Variants in ANKFN1 observed in about 807,000 individuals in gnomAD.
The protein encoded by ANKFN1 is ankyrin repeat and fibronectin type-III domain-containing protein 1.
Under a neutral mutation model 108.7 loss-of-function variants are expected in ANKFN1, and 74 were observed. The ratio of observed to expected loss-of-function variants is 0.68; its 90% CI spans 0.56 to 0.83. The LOEUF is 0.83. ANKFN1 is among the 40% of genes least tolerant of loss of function. The pLI is 0.00. For missense variants in ANKFN1, 1,505 were observed against 1,382.3 expected (o/e 1.09, Z -1.41); for synonymous variants, 547 against 516.2 (o/e 1.06, Z -0.81).
intron 8 of ANKFN1, among the ~76,000 whole-genome samples, chr17:56,377,730 CA>C (rs978603321): frequency 1.3e-5 from 2 of 152,216 alleles, no homozygotes; most frequent in Non-Finnish European, 1.5e-5. Flanking sequence ...AGACAGAAAA[CA>C]TTTGCAAAAG....
chr17:56,500,813 C>G (rs1006603798), intron 20 of ANKFN1, among the ~76,000 whole-genome samples: 1 of 152,202 alleles, frequency 6.6e-6, no homozygotes, highest in South Asian at 2.1e-4. Flanking sequence ...GTGCCAGGCT[C>G]TCTTCGAAGT....
intron 6 of ANKFN1, among the ~76,000 whole-genome samples, chr17:56,363,364 G>A (rs2046576153): frequency 6.6e-6 from 1 of 152,122 alleles, no homozygotes. Flanking sequence ...AGATCACAAT[G>A]AGAAATGAGA....
At chr17:56,235,797 A>G (rs1917089095) in intron 3 of ANKFN1, among the ~76,000 whole-genome samples, 1 of 152,114 alleles carries the variant, frequency 6.6e-6, no homozygotes, top group Non-Finnish European at 1.5e-5. Context: ...TGATGACTCC[A>G]GCTTTGTTCT....
At chr17:56,381,786 T>G (rs1396955520) in intron 8 of ANKFN1, among the ~76,000 whole-genome samples, 7 of 152,002 alleles carry the variant, frequency 4.6e-5, no homozygotes, top group Admixed American at 4.6e-4. Context: ...TGGGACTATG[T>G]GAAAAGACCA....
intron 3 of ANKFN1, among the ~76,000 whole-genome samples, chr17:56,232,610 T>TTGGCTTCA (rs1220254341): frequency 6.6e-6 from 1 of 152,202 alleles, no homozygotes; most frequent in Non-Finnish European, 1.5e-5. Context: ...GATCTGCCTC[T>TTGGCTTCA]TGGCTTCATT....
At chr17:56,229,708 A>G (rs1444058385) in intron 3 of ANKFN1, among the ~76,000 whole-genome samples, 2 of 133,420 alleles carry the variant, frequency 1.5e-5, no homozygotes, top group South Asian at 5.0e-4. Context: ...GGGGGTGGCT[A>G]TTTTACTTTA....
intron 3 of ANKFN1, among the ~76,000 whole-genome samples, chr17:56,296,290 A>T (rs900152947): frequency 6.6e-6 from 1 of 152,176 alleles, no homozygotes; most frequent in Non-Finnish European, 1.5e-5. Context: ...CTACCATTTA[A>T]GATTCTCCAA....
chr17:56,384,966 CTACTT>C lies in ANKFN1; in HGVS notation c.910+10255_910+10259del, dbSNP rs1004040133. Among the ~76,000 whole-genome samples, 7 of 151,154 alleles carry C rather than the reference CTACTT, an allele frequency of 4.6e-5. No individual in the cohort carries two copies. In the Admixed American group the frequency reaches 4.6e-4, roughly 10 times the overall value. On this transcript the variant is annotated intron_variant, in intron 8 of 20. Transcript: ENST00000682825. ...ACTTTCTTCACAGAATTGGAAAAAA[CTACTT>C]TAAAGTTCATGTGGAACCAAAAAAG...
At chr17:56,065,112 G>T (rs1394066494) in intron 4 of ANKFN1, among the ~76,000 whole-genome samples, 1 of 152,108 alleles carries the variant, frequency 6.6e-6, no homozygotes, top group Non-Finnish European at 1.5e-5. Context: ...TGCTTATTAT[G>T]GTTCTTTTCA....
intron 3 of ANKFN1, among the ~76,000 whole-genome samples, chr17:56,278,759 C>A (rs1312592868): frequency 1.3e-5 from 2 of 152,124 alleles, no homozygotes; most frequent in Admixed American, 6.5e-5. Flanking sequence ...GCCTTATGAC[C>A]AAATACAAAT....
In ANKFN1 at chr17:56,510,681, G is replaced by A. The variant is rs754470946; in HGVS notation, c.2853G>A (p.Pro951=). The A allele has an allele frequency of 5.2e-6, 8 of 1,536,004 alleles. No individual in the cohort carries two copies. Among genetic ancestry groups the A allele is most frequent in the Middle Eastern group, 1.7e-4 (1 of 6,010 alleles). ...ACGACGTGAAAACCCCTCTGGGGCC[G>A]GGCCAGGATCCCCAGGGCGAGGGCC... ...QVHDVKTPLG[P]GQDPQGEGPN... is the part of the protein sequence containing the mutation. Residue 951 remains proline, a synonymous_variant, in exon 21 of 21, where the codon CCG becomes CCA. Coordinates refer to ENST00000682825, the MANE Select transcript of ANKFN1 (RefSeq NM_001370326.1).
At chr17:56,130,545 A>G (rs1026361674) in intron 4 of ANKFN1, among the ~76,000 whole-genome samples, 24 of 152,004 alleles carry the variant, frequency 1.6e-4, no homozygotes, top group African/African-American at 5.8e-4. Context: ...CCTTATAAAT[A>G]TTTATACTAG....
intron 4 of ANKFN1, among the ~76,000 whole-genome samples, chr17:56,109,853 TAAG>T (rs1473462116): frequency 6.6e-6 from 1 of 152,172 alleles, no homozygotes; most frequent in Non-Finnish European, 1.5e-5. Context: ...GCCAGGCTAA[TAAG>T]AAGAGTTCAC....
intron 18 of ANKFN1, among the ~76,000 whole-genome samples, chr17:56,487,708 T>C (rs934840068): frequency 6.6e-6 from 1 of 152,182 alleles, no homozygotes; most frequent in African/African-American, 2.4e-5. Context: ...CCTACCGATA[T>C]TCTTCATAAA....
intron 4 of ANKFN1, among the ~76,000 whole-genome samples, chr17:56,336,907 C>T (rs1239823763): frequency 6.6e-6 from 1 of 152,180 alleles, no homozygotes; most frequent in Non-Finnish European, 1.5e-5. Flanking sequence ...CCCAGAGATT[C>T]TGGTATGTTG....
intron 4 of ANKFN1, among the ~76,000 whole-genome samples, chr17:56,343,323 A>G (rs2144631424): frequency 6.6e-6 from 1 of 152,066 alleles, no homozygotes; most frequent in African/African-American, 2.4e-5. Context: ...TTTATCTGGC[A>G]GTATCTTAAT....
chr17:56,135,760 T>C (rs7212473), intron 4 of ANKFN1, among the ~76,000 whole-genome samples: 29,184 of 152,152 alleles, frequency 0.19, 3,349 homozygotes, highest in African/African-American at 0.3. Flanking sequence ...ACTCTATGTT[T>C]AAGCTTCAGT....
At chr17:56,244,741 C>A (rs765384078) in intron 3 of ANKFN1, among the ~76,000 whole-genome samples, 1 of 152,052 alleles carries the variant, frequency 6.6e-6, no homozygotes, top group Non-Finnish European at 1.5e-5. Context: ...GGGTATAGAG[C>A]GTAAAGAGAC....
intron 2 of ANKFN1, among the ~76,000 whole-genome samples, chr17:56,226,469 G>A (rs376460737): frequency 1.3e-4 from 20 of 152,112 alleles, no homozygotes; most frequent in Non-Finnish European, 2.4e-4. Context: ...GCTAAAACAC[G>A]TAGAGATTTT....
Sources: gnomAD v4.1 joint callset for allele counts (sites outside exome capture counted in the v4.1 genomes callset) on GRCh38, gnomAD v4.1.1 for gene constraint, MANE v1.5 for transcripts, NCBI Gene and HGNC (gene_info 2026-07-23, HGNC 2026-07-21) for gene names.